The following CNGA2 variants were observed in gnomAD, a reference collection of about 807,000 sequenced individuals.
CNGA2 encodes the protein cyclic nucleotide-gated channel alpha-2.
In CNGA2, 22 loss-of-function variants were observed where a neutral mutation model predicts 35.9. The ratio of observed to expected loss-of-function variants is 0.61; its 90% confidence interval spans 0.44 to 0.88. CNGA2 has a LOEUF of 0.88. CNGA2 is among the 40% of genes least tolerant of loss of function. The pLI is 0.00. For missense variants in CNGA2, 555 were observed against 530.8 expected (o/e 1.05, Z -0.45); for synonymous variants, 217 against 209.2 (o/e 1.04, Z -0.32).
In CNGA2 at chrX:151,744,131, T is replaced by G. The variant is rs1343907172; in HGVS notation, c.1628T>G (p.Leu543Arg). ...CGACGCACAGCTAATATCCGCAGCC[T>G]GGGCTACTCAGATCTCTTCTGCTTG... The part of the protein sequence containing the change: ...GNRRTANIRS[L>R]GYSDLFCLSK... Residue 543 changes from leucine to arginine, a missense_variant, in exon 7 of 7, where the codon CTG becomes CGG. Leu to Arg is a moderately radical substitution (Grantham distance 102, BLOSUM62 -2). Coordinates refer to ENST00000329903, the MANE Select transcript of CNGA2 (RefSeq NM_005140.3). The G allele has an allele frequency of 8.3e-7, 1 of 1,208,024 alleles. No individual in the cohort carries two copies. Among genetic ancestry groups the G allele is most frequent in the Non-Finnish European group, 1.1e-6 (1 of 894,822 alleles).
At chrX:151,740,481 C>A (rs1352266997) in intron 4 of CNGA2, among the ~76,000 whole-genome samples, 1 of 112,249 alleles carries the variant, frequency 8.9e-6, no homozygotes, top group African/African-American at 3.2e-5. Flanking sequence ...GCCCTGAGAC[C>A]CACCACTACT....
At chrX:151,739,249 C>T (rs11795936) in intron 3 of CNGA2, among the ~76,000 whole-genome samples, 2,799 of 112,050 alleles carry the variant, frequency 0.025, 40 homozygotes, top group Admixed American at 0.054. Context: ...GCCTTAACAC[C>T]ACCTCCAACT....
At position 151,743,600 on chromosome X, in the gene CNGA2, C is replaced by A; in HGVS notation, c.1097C>A (p.Thr366Asn). 8.3e-7 allele frequency: 1 copy of A among 1,211,456 alleles called. No homozygotes were observed. The change falls in exon 7 of 7, where the codon ACC becomes AAC. Residue 366 changes from threonine (T) to asparagine (N), a missense_variant. Thr to Asn is a moderately conservative substitution (Grantham distance 65). Transcript: ENST00000329903. The part of the protein sequence containing the change: ...DFLIGVLIFA[T>N]IVGNVGSMIS... ...CTGATTGGCGTCCTCATCTTTGCCA[C>A]CATCGTGGGAAATGTGGGCTCCATG... is the stretch of plus-strand genomic sequence containing the variant.
At chrX:151,737,657 C>G (rs999143273) in intron 1 of CNGA2, among the ~76,000 whole-genome samples, 24 of 112,059 alleles carry the variant, frequency 2.1e-4, no homozygotes, top group Admixed American at 1.8e-3. Context: ...AGGGATTTTT[C>G]TGGCACAGAA....
At position 151,744,226 on chromosome X, in the gene CNGA2, C is replaced by G; in HGVS notation, c.1723C>G (p.Arg575Gly). Residue 575 changes from arginine to glycine, a missense_variant, in exon 7 of 7, where the codon CGG (arginine) becomes GGG (glycine). Arg to Gly is a moderately radical substitution (Grantham distance 125, BLOSUM62 -2). Coordinates refer to ENST00000329903, the MANE Select transcript of CNGA2 (RefSeq NM_005140.3). ...CAAGAAAGTCCTAGAAGAGAGGGGT[C>G]GGGAGATCCTCATGAAGGAGGGACT... ...DAKKVLEERG[R>G]EILMKEGLLD... The G allele has an allele frequency of 1.7e-6, 2 of 1,210,202 alleles. No individual in the cohort carries two copies. Among genetic ancestry groups the G allele is most frequent in the Non-Finnish European group, 2.2e-6 (2 of 895,200 alleles).
chrX:151,740,651 G>T lies in CNGA2; in HGVS notation c.375-143G>T, dbSNP rs959551911. Reference sequence around the variant, plus strand: ...AGGTTGTAGTTCCCTGAAAAATGTGGCCCTCAGCCAACCCATCTTTCACCC... The same window carrying T: ...AGGTTGTAGTTCCCTGAAAAATGTGTCCCTCAGCCAACCCATCTTTCACCC... On this transcript the variant is annotated intron_variant, in intron 4 of 6. Coordinates refer to ENST00000329903, the MANE Select transcript of CNGA2 (RefSeq NM_005140.3). 6 of 492,774 alleles carry T rather than the reference G, an allele frequency of 1.2e-5. No homozygotes were observed. In the Admixed American group the frequency reaches 1.7e-4, roughly 14 times the overall value. 40.6% of individuals were successfully genotyped at this position (492,774 alleles called of 1,213,427 possible).
chrX:151,740,468 C>A (rs2015293045), intron 4 of CNGA2, among the ~76,000 whole-genome samples: 1 of 112,320 alleles, frequency 8.9e-6, no homozygotes, highest in African/African-American at 3.2e-5. Context: ...AATCCCTTCC[C>A]AGGCCCTGAG....
chrX:151,739,845 A>C (rs2015286137), intron 4 of CNGA2, 113 bp downstream of exon 4: 9 of 851,340 alleles, frequency 1.1e-5, no homozygotes, highest in Non-Finnish European at 1.5e-5. Flanking sequence ...TGTAGTAAAA[A>C]GAGTGGTGGG....
intron 1 of CNGA2, among the ~76,000 whole-genome samples, chrX:151,735,429 G>A (rs1603006174): frequency 9.0e-6 from 1 of 111,724 alleles, no homozygotes; most frequent in South Asian, 3.8e-4. Context: ...CTGCTGCCTG[G>A]TGTCTCTGAA....
Position 151,743,186 on chromosome X carries a change from T to C in CNGA2, c.683T>C (p.Ile228Thr), listed in dbSNP as rs2015334352. ...CAGTTCAAGCTGGATGTGGCTTCCA[T>C]CATCCCCACTGACCTGATCTATTTT... ...TLQFKLDVAS[I>T]IPTDLIYFAV... The change falls in exon 7 of 7, where the codon ATC (isoleucine) becomes ACC (threonine). Residue 228 changes from isoleucine (I) to threonine (T), a missense_variant. Physicochemically the swap from Ile to Thr is moderately conservative, Grantham distance 89 (BLOSUM62 -1). Coordinates refer to ENST00000329903, the MANE Select transcript of CNGA2 (RefSeq NM_005140.3). The C allele has an allele frequency of 1.7e-6, 2 of 1,199,092 alleles. No homozygotes were observed. The highest frequency in any genetic ancestry group is 1.1e-6 in the Non-Finnish European group (1 of 892,089).
At chrX:151,739,486 G>A in intron 3 of CNGA2, 76 bp from the exon 4 acceptor site, 2 of 1,026,852 alleles carry the variant, frequency 1.9e-6, no homozygotes, top group Non-Finnish European at 2.7e-6. Flanking sequence ...AGCAGACAGT[G>A]AGCTCTTGGG....
intron 4 of CNGA2, among the ~76,000 whole-genome samples, chrX:151,740,478 G>T (rs1208249479): frequency 8.9e-6 from 1 of 112,269 alleles, no homozygotes; most frequent in Non-Finnish European, 1.9e-5. Context: ...CAGGCCCTGA[G>T]ACCCACCACT....
intron 3 of CNGA2, 82 bp downstream of exon 3, chrX:151,738,961 G>A (rs2015275841): frequency 5.3e-6 from 4 of 759,397 alleles, no homozygotes; most frequent in South Asian, 2.9e-5. Context: ...TCCTCTTCAC[G>A]GTCCCACCAG....
At chrX:151,742,942 G>T in intron 6 of CNGA2, 151 bp from the exon 7 acceptor site, 1 of 53,683 alleles carries the variant, frequency 1.9e-5, no homozygotes, top group African/African-American at 1.3e-4. Flanking sequence ...ATATATATAT[G>T]TATATGTATA....
Position 151,745,036 on chromosome X carries a change from C to A in CNGA2, c.*538C>A, listed in dbSNP as rs1488139497. The A allele has an allele frequency of 8.9e-6, 1 of 112,717 alleles. No homozygotes were observed. Among genetic ancestry groups the A allele is most frequent in the Non-Finnish European group, 1.9e-5 (1 of 53,850 alleles). 9.3% of individuals were successfully genotyped at this position (112,717 alleles called of 1,213,427 possible). On this transcript the variant is annotated 3_prime_UTR_variant, in exon 7 of 7. Coordinates refer to ENST00000329903, the MANE Select transcript of CNGA2 (RefSeq NM_005140.3). ...TCCAGCTCCTGCTCTGTAGATTGAT[C>A]TGTCTGTCTGCTAGCCAGGATGGGA...
chrX:151,742,992 G>GTATATATA (rs1361395355), intron 6 of CNGA2, 101 bp from the exon 7 acceptor site: 1 of 59,060 alleles, frequency 1.7e-5, no homozygotes, highest in Non-Finnish European at 2.8e-5. Flanking sequence ...ACATATATAT[G>GTATATATA]TGTATATATA....
chrX:151,745,127 G>A lies in CNGA2; in HGVS notation c.*629G>A, dbSNP rs5925021. ...TCTGGTCCATTCCAGGGCAGGGAGT[G>A]AGGAGCAAGGCAACTGGCATTTGTC... On this transcript the variant is annotated 3_prime_UTR_variant, in exon 7 of 7. Coordinates refer to ENST00000329903, the MANE Select transcript of CNGA2 (RefSeq NM_005140.3). 7,979 of 111,633 alleles carry A rather than the reference G, an allele frequency of 0.071. 243 individuals are homozygous for A. The highest frequency in any genetic ancestry group is 0.088 in the Non-Finnish European group (4,690 of 53,088). 9.2% of individuals were successfully genotyped at this position (111,633 alleles called of 1,213,427 possible).
chrX:151,740,393 C>T (rs2015292373), intron 4 of CNGA2, among the ~76,000 whole-genome samples: 1 of 112,354 alleles, frequency 8.9e-6, no homozygotes, highest in African/African-American at 3.2e-5. Flanking sequence ...GCTCACTCAC[C>T]TGGAGCACCT....
At position 151,744,252 on chromosome X, in the gene CNGA2, G is replaced by T; in HGVS notation, c.1749G>T (p.Leu583=). The change falls in exon 7 of 7, where the codon CTG becomes CTT. Residue 583 remains leucine (L), a synonymous_variant. Transcript: ENST00000329903. ...GGGAGATCCTCATGAAGGAGGGACT[G>T]CTGGATGAGAACGAAGTGGCAACCA... ...RGREILMKEG[L]LDENEVATSM... is the part of the protein sequence containing the mutation. 1 of 1,210,848 alleles carries T rather than the reference G, an allele frequency of 8.3e-7. No individual in the cohort carries two copies. Among genetic ancestry groups the T allele is most frequent in the South Asian group, 1.8e-5 (1 of 56,890 alleles).
Sources: gnomAD v4.1 joint callset for allele counts (sites outside exome capture counted in the v4.1 genomes callset) on GRCh38, gnomAD v4.1.1 for gene constraint, MANE v1.5 for transcripts, NCBI Gene and HGNC (gene_info 2026-07-23, HGNC 2026-07-21) for gene names.